JOSD1: variants seen among roughly 807,000 people sequenced by gnomAD.
JOSD1 encodes the protein Josephin domain containing 1.
Under a neutral mutation model 24.3 loss-of-function variants are expected in JOSD1, and 11 were observed. The observed-to-expected ratio is 0.45, with a 90% CI of 0.29 to 0.75. JOSD1 has a LOEUF of 0.75. Ranked by LOEUF, JOSD1 falls within the 30% of genes least tolerant of loss-of-function variation. JOSD1 has a pLI of 0.11. For missense variants in JOSD1, 184 were observed against 253.5 expected, an observed-to-expected ratio of 0.73 and a Z score of 1.86; for synonymous variants, 106 against 93.8, an observed-to-expected ratio of 1.13 and a Z score of -0.75.
chr22:38,694,428 A>G (rs1029560920), intron 2 of JOSD1, among the ~76,000 whole-genome samples: 1 of 152,196 alleles, frequency 6.6e-6, no homozygotes, highest in Admixed American at 6.5e-5. Context: ...TCCAGTGGAA[A>G]GTATTCTTGA....
upstream of JOSD1, chr22:38,701,129 G>A (rs563545082): frequency 1.2e-5 from 4 of 327,956 alleles, no homozygotes; most frequent in African/African-American, 2.2e-5. Flanking sequence ...GCAGTTCAAC[G>A]GTTGGGGTGT....
At chr22:38,698,581 C>A (rs1383743018) in intron 2 of JOSD1, among the ~76,000 whole-genome samples, 1 of 152,166 alleles carries the variant, frequency 6.6e-6, no homozygotes, top group Non-Finnish European at 1.5e-5. Context: ...AATGCTTGAG[C>A]TTCTCTGCAG....
Position 38,700,615 on chromosome 22 carries a change from G to C in JOSD1, c.-628C>G, listed in dbSNP as rs2092564590. On this transcript the variant is annotated 5_prime_UTR_variant, in exon 2 of 5. Coordinates refer to ENST00000683374, the MANE Select transcript of JOSD1 (RefSeq NM_001360236.2). ...GCGCGGATTCTAGCCCTCTGGCCGCGGCCCTGCGGAGGAGGAGACAACTCC... is the reference window on the plus strand; with the variant it reads ...GCGCGGATTCTAGCCCTCTGGCCGCCGCCCTGCGGAGGAGGAGACAACTCC... 3 of 985,058 alleles carry C rather than the reference G, an allele frequency of 3.0e-6. No homozygotes were observed. The highest frequency in any genetic ancestry group is 2.4e-6 in the Non-Finnish European group (2 of 829,730). The allele number at this position is 985,058 out of a possible 1,614,324, so 61.0% of individuals were successfully genotyped here. A position where few individuals can be genotyped will look rare whatever the true frequency, so the allele number is the denominator to read the frequency against.
chr22:38,689,539 A>G, intron 2 of JOSD1, 115 bp from the exon 3 acceptor site: 2 of 1,345,062 alleles, frequency 1.5e-6, no homozygotes, highest in East Asian at 5.0e-5. Context: ...TAGTTTCCCC[A>G]CATTCAAGTG....
intron 3 of JOSD1, 64 bp downstream of exon 3, chr22:38,689,232 A>T (rs2092511572): frequency 1.2e-6 from 2 of 1,607,160 alleles, no homozygotes; most frequent in Non-Finnish European, 1.7e-6. Context: ...CCATGAGCCC[A>T]AGTACTAAAA....
chr22:38,695,438 T>G (rs935145264), intron 2 of JOSD1, among the ~76,000 whole-genome samples: 20 of 142,012 alleles, frequency 1.4e-4, no homozygotes, highest in Admixed American at 1.4e-3. Flanking sequence ...AGCTACTTTT[T>G]GCCTAGTTTT....
chr22:38,692,695 C>T (rs1239541624), intron 2 of JOSD1, among the ~76,000 whole-genome samples: 18 of 146,544 alleles, frequency 1.2e-4, no homozygotes, highest in African/African-American at 3.6e-4. Context: ...GCAGGAGGAT[C>T]GCTTGAACCC....
Position 38,687,314 on chromosome 22 carries a change from G to C in JOSD1, c.*588C>G, listed in dbSNP as rs562848232. On this transcript the variant is annotated 3_prime_UTR_variant, in exon 5 of 5. Transcript: ENST00000683374. Reference sequence around the variant, plus strand: ...GCCTGGGCAACAAGAGTGAAACTCAGTCTCAAAAACAACAACAAAAAACCT... The same window carrying C: ...GCCTGGGCAACAAGAGTGAAACTCACTCTCAAAAACAACAACAAAAAACCT... The C allele has an allele frequency of 6.5e-6, 1 of 152,946 alleles. No individual in the cohort carries two copies. The highest frequency in any genetic ancestry group is 2.1e-4 in the South Asian group (1 of 4,848). The allele number at this position is 152,946 out of a possible 1,614,324, so 9.5% of individuals were successfully genotyped here.
At chr22:38,698,214 G>C (rs1342043271) in intron 2 of JOSD1, among the ~76,000 whole-genome samples, 3 of 152,166 alleles carry the variant, frequency 2.0e-5, no homozygotes, top group Non-Finnish European at 4.4e-5. Context: ...GATGATCTGA[G>C]ACGAATTATT....
At chr22:38,697,454 T>C (rs996643587) in intron 2 of JOSD1, among the ~76,000 whole-genome samples, 2 of 152,256 alleles carry the variant, frequency 1.3e-5, no homozygotes, top group African/African-American at 4.8e-5. Flanking sequence ...CTTAGTTCCA[T>C]GTGGGCATTT....
At chr22:38,694,583 C>A (rs1356419126) in intron 2 of JOSD1, among the ~76,000 whole-genome samples, 1 of 152,056 alleles carries the variant, frequency 6.6e-6, no homozygotes, top group African/African-American at 2.4e-5. Context: ...AAAAGACGGG[C>A]CAGGCGCAGT....
upstream of JOSD1, chr22:38,701,138 G>T: frequency 3.5e-6 from 1 of 282,008 alleles, no homozygotes; most frequent in Non-Finnish European, 5.4e-6. Flanking sequence ...CGGTTGGGGT[G>T]TTGCAAAGGC....
chr22:38,695,870 A>G (rs1326294482), intron 2 of JOSD1, among the ~76,000 whole-genome samples: 1 of 152,214 alleles, frequency 6.6e-6, no homozygotes, highest in Admixed American at 6.5e-5. Context: ...AGCCTGGCCA[A>G]CATGGTGAAA....
intron 2 of JOSD1, among the ~76,000 whole-genome samples, chr22:38,692,523 T>C (rs1157974873): frequency 6.6e-6 from 1 of 152,012 alleles, no homozygotes; most frequent in African/African-American, 2.4e-5. Flanking sequence ...TCACGCCTGT[T>C]ATCCCAGCAC....
At chr22:38,691,667 CCTTTT>C (rs1411376106) in intron 2 of JOSD1, among the ~76,000 whole-genome samples, 1 of 152,086 alleles carries the variant, frequency 6.6e-6, no homozygotes. Flanking sequence ...CATAGAGAGG[CCTTTT>C]CTTTTTCTTT....
rs1397772083 is a variant in JOSD1 at position 38,687,743 on chromosome 22, A to G, written c.*159T>C. 1.8e-5 allele frequency: 11 copies of G among 614,674 alleles called. No homozygotes were observed. The highest frequency in any genetic ancestry group is 8.3e-5 in the East Asian group (3 of 36,258). The allele number at this position is 614,674 out of a possible 1,614,324, so 38.1% of individuals were successfully genotyped here. A position where few individuals can be genotyped will look rare whatever the true frequency, so the allele number is the denominator to read the frequency against. On this transcript the variant is annotated 3_prime_UTR_variant, in exon 5 of 5. Coordinates refer to ENST00000683374, the MANE Select transcript of JOSD1 (RefSeq NM_001360236.2). ...AGGAACAAAACACTGAGTAGTTCTT[A>G]TAACAGTCCACACGTCTGTCCTATT...
chr22:38,701,101 C>T (rs937506887), upstream of JOSD1: 4 of 536,700 alleles, frequency 7.5e-6, no homozygotes, highest in Non-Finnish European at 9.5e-6. Context: ...GAGCCGCAGA[C>T]GCCGGGCGTG....
At chr22:38,693,759 A>C (rs958394329) in intron 2 of JOSD1, among the ~76,000 whole-genome samples, 1 of 152,086 alleles carries the variant, frequency 6.6e-6, no homozygotes, top group Non-Finnish European at 1.5e-5. Context: ...TCCTGTTCCA[A>C]GCCAAATCCT....
chr22:38,692,273 G>A (rs914302501), intron 2 of JOSD1, among the ~76,000 whole-genome samples: 1 of 152,124 alleles, frequency 6.6e-6, no homozygotes, highest in East Asian at 1.9e-4. Flanking sequence ...ACCTGCCCAT[G>A]AGCACTTGCA....
Sources: gnomAD v4.1 joint callset for allele counts (sites outside exome capture counted in the v4.1 genomes callset) on GRCh38, gnomAD v4.1.1 for gene constraint, MANE v1.5 for transcripts, NCBI Gene and HGNC (gene_info 2026-07-23, HGNC 2026-07-21) for gene names.